MBTPS1: variants seen among roughly 807,000 people sequenced by gnomAD.
The protein encoded by MBTPS1 is membrane-bound transcription factor site-1 protease.
A neutral mutation model predicts 127.8 loss-of-function variants in MBTPS1; 94 were observed. The ratio of observed to expected loss-of-function variants is 0.74; its 90% CI spans 0.62 to 0.87. The LOEUF (loss-of-function observed/expected upper bound fraction) is 0.87. Among genes scored for constraint, MBTPS1 ranks in the 40% least tolerant of loss-of-function variants. The pLI is 0.00. For synonymous variants in MBTPS1, 632 were observed against 509.4 expected, an observed-to-expected ratio of 1.24 and a Z score of -3.24; for missense variants, 1,636 against 1,353.2, an observed-to-expected ratio of 1.21 and a Z score of -3.28.
chr16:84,055,472 C>G lies in MBTPS1; in HGVS notation c.2962+533G>C, dbSNP rs551278099. ...GCCTTGGGTAGTGGAGAAGAACCTGCCCTAGGCAGTCTATGTAGCCAGTCA... is the reference window on the plus strand; with the variant it reads ...GCCTTGGGTAGTGGAGAAGAACCTGGCCTAGGCAGTCTATGTAGCCAGTCA... On this transcript the variant is annotated intron_variant, in intron 22 of 22. Coordinates refer to ENST00000343411, the MANE Select transcript of MBTPS1 (RefSeq NM_003791.4). Among the ~76,000 whole-genome samples the G allele has an allele frequency of 6.0e-3, 917 of 152,314 alleles. 11 individuals carry two copies. The highest frequency in any genetic ancestry group is 8.1e-3 in the Non-Finnish European group (550 of 68,018).
At chr16:84,087,535 T>C in intron 8 of MBTPS1, 75 bp from the exon 9 acceptor site, 1 of 984,648 alleles carries the variant, frequency 1.0e-6, no homozygotes, top group Non-Finnish European at 1.5e-6. Flanking sequence ...AATGGATGAT[T>C]CAAACCAGGG....
intron 1 of MBTPS1, among the ~76,000 whole-genome samples, chr16:84,105,910 C>G (rs770024485): frequency 2.0e-5 from 3 of 152,134 alleles, no homozygotes; most frequent in Non-Finnish European, 4.4e-5. Flanking sequence ...TCTGACCTCA[C>G]GGAGCTTACC....
rs151071336 is a variant in MBTPS1 at position 84,070,739 on chromosome 16, T to C, written c.1631A>G (p.Asn544Ser). 6.7e-5 allele frequency: 108 copies of C among 1,614,024 alleles called. 1 individual carries two copies. The highest frequency in any genetic ancestry group is 2.5e-4 in the African/African-American group (19 of 75,030). Residue 544 changes from asparagine (N) to serine (S), a missense_variant, in exon 13 of 23, where the codon AAC becomes AGC. Transcript: ENST00000343411. ...GGAGTAGGAGAAGGCAACTTCAATGTTGTCTCCGTTCTGTGGCAAATAGGG... is the reference window on the plus strand; with the variant it reads ...GGAGTAGGAGAAGGCAACTTCAATGCTGTCTCCGTTCTGTGGCAAATAGGG... ...WQPYLPQNGD[N>S]IEVAFSYSSV...
chr16:84,113,982 T>C (rs1013163689), intron 1 of MBTPS1, among the ~76,000 whole-genome samples: 4 of 151,574 alleles, frequency 2.6e-5, no homozygotes, highest in Admixed American at 6.6e-5. Flanking sequence ...TTTTCTTTTT[T>C]TGAGACGGAG....
chr16:84,100,936 T>C (rs1433083543), intron 2 of MBTPS1, among the ~76,000 whole-genome samples: 1 of 148,942 alleles, frequency 6.7e-6, no homozygotes, highest in East Asian at 2.0e-4. Flanking sequence ...GGGTGATCAC[T>C]TGAGGTCAGG....
chr16:84,088,489 C>T (rs1234369470), intron 8 of MBTPS1, among the ~76,000 whole-genome samples: 1 of 152,204 alleles, frequency 6.6e-6, no homozygotes, highest in African/African-American at 2.4e-5. Context: ...AAGTCACTGA[C>T]AGAAACTCCC....
chr16:84,091,311 C>G (rs1423524295), intron 7 of MBTPS1, among the ~76,000 whole-genome samples: 1 of 151,880 alleles, frequency 6.6e-6, no homozygotes. Context: ...TTCGGTGAAA[C>G]CCCGTCTCTA....
chr16:84,060,972 T>C, intron 19 of MBTPS1, 159 bp from the exon 20 acceptor site: 5 of 606,770 alleles, frequency 8.2e-6, no homozygotes, highest in Non-Finnish European at 1.4e-5. Flanking sequence ...TAGCTGAGAC[T>C]GAAGGCACAT....
intron 11 of MBTPS1, among the ~76,000 whole-genome samples, chr16:84,080,174 T>C (rs1290859703): frequency 6.6e-6 from 1 of 152,040 alleles, no homozygotes; most frequent in Non-Finnish European, 1.5e-5. Flanking sequence ...TTAATTATAA[T>C]CCACAGAGTA....
intron 1 of MBTPS1, among the ~76,000 whole-genome samples, chr16:84,111,725 T>G (rs1013704116): frequency 1.3e-5 from 2 of 152,180 alleles, no homozygotes; most frequent in Non-Finnish European, 2.9e-5. Context: ...AGGCGGATTC[T>G]GGACTTCTGA....
chr16:84,091,087 C>T, intron 7 of MBTPS1, 145 bp from the exon 8 acceptor site: 1 of 681,814 alleles, frequency 1.5e-6, no homozygotes, highest in Non-Finnish European at 2.6e-6. Flanking sequence ...GTGCTGGCAA[C>T]TTGCATTTTT....
rs1005996803 is a variant in MBTPS1 at position 84,054,315 on chromosome 16, T to C, written c.*134A>G. The C allele has an allele frequency of 6.9e-6, 5 of 726,544 alleles. No homozygotes were observed. Among genetic ancestry groups the C allele is most frequent in the Admixed American group, 6.5e-5 (2 of 30,820 alleles). 45.0% of individuals were successfully genotyped at this position (726,544 alleles called of 1,614,324 possible). On this transcript the variant is annotated 3_prime_UTR_variant, in exon 23 of 23. Transcript: ENST00000343411. ...TGCCCATCACAGGAGGGCAGGCCCA[T>C]GTAGAACAGACTCTAACAAACCTGC...
chr16:84,074,603 T>A lies in MBTPS1; in HGVS notation c.1587A>T (p.Val529=). The change falls in exon 12 of 23, where the codon GTA becomes GTT. Residue 529 remains valine, a synonymous_variant. Transcript: ENST00000343411. ...AGTCAGAGAGAAGTTTCACCTTATC[T>A]ACAATTCTTCCTGTGACTCCCATGC... is the stretch of plus-strand genomic sequence containing the variant. The part of the protein sequence containing the change: ...LNGMGVTGRI[V]DKPDWQPYLP... The A allele has an allele frequency of 6.2e-7, 1 of 1,613,838 alleles. No individual in the cohort carries two copies.
intron 1 of MBTPS1, among the ~76,000 whole-genome samples, chr16:84,108,132 C>G (rs772667108): frequency 1.2e-4 from 18 of 152,082 alleles, no homozygotes; most frequent in Non-Finnish European, 2.5e-4. Context: ...TCCTGGTTCT[C>G]ACTATACAAT....
intron 4 of MBTPS1, among the ~76,000 whole-genome samples, chr16:84,095,303 G>A (rs1475420681): frequency 6.6e-6 from 1 of 152,228 alleles, no homozygotes; most frequent in East Asian, 1.9e-4. Flanking sequence ...TAGGAGAGAA[G>A]TGCTCCACAG....
At chr16:84,081,951 G>A (rs763840535) in intron 10 of MBTPS1, 43 bp from the exon 11 acceptor site, 4 of 1,342,626 alleles carry the variant, frequency 3.0e-6, no homozygotes, top group East Asian at 5.6e-5. Flanking sequence ...CTCAGTAAAA[G>A]AATGGAAATT....
At chr16:84,059,214 T>A (rs978677435) in intron 21 of MBTPS1, 88 bp downstream of exon 21, 1 of 1,487,452 alleles carries the variant, frequency 6.7e-7, no homozygotes, top group African/African-American at 1.4e-5. Flanking sequence ...TCGATAGTGA[T>A]GTCAGTAAAA....
chr16:84,065,174 G>C (rs981482572), intron 18 of MBTPS1, among the ~76,000 whole-genome samples: 29 of 150,272 alleles, frequency 1.9e-4, no homozygotes, highest in African/African-American at 7.1e-4. Flanking sequence ...CTGGAGTGCA[G>C]TGGCATGATC....
At chr16:84,056,409 A>G in intron 21 of MBTPS1, 1 of 317,234 alleles carries the variant, frequency 3.2e-6, no homozygotes, top group Non-Finnish European at 5.9e-6. Flanking sequence ...GCATAAAGCT[A>G]AACATGACCA....
Sources: allele counts gnomAD v4.1 joint callset (sites outside exome capture counted in the v4.1 genomes callset), GRCh38; gene constraint gnomAD v4.1.1; transcripts MANE v1.5; gene names NCBI Gene and HGNC (gene_info 2026-07-23, HGNC 2026-07-21).